Variants in PARP11 observed in about 807,000 individuals in gnomAD.
PARP11 encodes the protein poly(ADP-ribose) polymerase family member 11, also known as protein mono-ADP-ribosyltransferase PARP11.
Under a neutral mutation model 42.9 loss-of-function variants are expected in PARP11, and 31 were observed. The ratio of observed to expected loss-of-function variants is 0.72; its 90% confidence interval spans 0.54 to 0.98. The LOEUF (loss-of-function observed/expected upper bound fraction) is 0.98. Among genes scored for constraint, PARP11 ranks in the 50% least tolerant of loss-of-function variants. PARP11 has a pLI of 0.00. For synonymous variants in PARP11, 137 were observed against 127.3 expected (o/e 1.08, Z -0.51); for missense variants, 365 against 413.1 (o/e 0.88, Z 1.01).
chr12:3,832,164 C>A (rs1947655601), intron 1 of PARP11: 1 of 968,620 alleles, frequency 1.0e-6, no homozygotes, highest in Non-Finnish European at 1.2e-6. Flanking sequence ...TCAGCAACAT[C>A]CTTTCAGAGC....
chr12:3,842,631 C>T, intron 1 of PARP11: 1 of 712,292 alleles, frequency 1.4e-6, no homozygotes, highest in Admixed American at 2.4e-5. Flanking sequence ...TCTCCCCAGC[C>T]TCCTTACCTT....
At chr12:3,855,558 C>G (rs1235088063) in intron 1 of PARP11, among the ~76,000 whole-genome samples, 1 of 152,126 alleles carries the variant, frequency 6.6e-6, no homozygotes, top group Non-Finnish European at 1.5e-5. Flanking sequence ...CCTAGGAATC[C>G]AACTTACAAG....
At chr12:3,868,597 G>C (rs372247839) in intron 1 of PARP11, among the ~76,000 whole-genome samples, 7 of 152,170 alleles carry the variant, frequency 4.6e-5, no homozygotes, top group African/African-American at 1.7e-4. Context: ...CCAAACTCCT[G>C]TTATCTTCCA....
Position 3,831,103 on chromosome 12 carries a change from TA to T in PARP11, c.19-1086del, listed in dbSNP as rs565345984. 1.6e-3 allele frequency among the ~76,000 whole-genome samples: 248 copies of T among 152,268 alleles called. 1 individual carries two copies. Among genetic ancestry groups the T allele is most frequent in the African/African-American group, 5.6e-3 (233 of 41,562 alleles). On this transcript the variant is annotated intron_variant, in intron 1 of 7. Transcript: ENST00000228820. ...TTATTAAGTTTATACAACTACTACA[TA>T]AAAAATATTCTTCTTGCAAAAAATC...
intron 1 of PARP11, among the ~76,000 whole-genome samples, chr12:3,843,859 G>A (rs1012281294): frequency 6.6e-6 from 1 of 152,186 alleles, no homozygotes; most frequent in African/African-American, 2.4e-5. Flanking sequence ...ATTATCTTCT[G>A]ATCAGGAAGT....
chr12:3,839,013 C>T (rs1947826764), intron 1 of PARP11, among the ~76,000 whole-genome samples: 1 of 152,154 alleles, frequency 6.6e-6, no homozygotes, highest in African/African-American at 2.4e-5. Flanking sequence ...AGTGACTACT[C>T]ACTCTCGGGG....
intron 6 of PARP11, among the ~76,000 whole-genome samples, chr12:3,819,458 C>T (rs1947351981): frequency 6.6e-6 from 1 of 152,078 alleles, no homozygotes; most frequent in Non-Finnish European, 1.5e-5. Flanking sequence ...AGCATCCTGG[C>T]TTCTATCCAG....
intron 6 of PARP11, among the ~76,000 whole-genome samples, chr12:3,816,966 C>T (rs1467777474): frequency 2.6e-5 from 4 of 152,036 alleles, no homozygotes; most frequent in African/African-American, 4.8e-5. Context: ...CTGAGGTGGG[C>T]GGATCACGAG....
At chr12:3,820,784 T>G (rs750940110) in intron 6 of PARP11, among the ~76,000 whole-genome samples, 1 of 152,192 alleles carries the variant, frequency 6.6e-6, no homozygotes, top group Non-Finnish European at 1.5e-5. Flanking sequence ...TAAACTCAGT[T>G]AAACTCAGTT....
intron 1 of PARP11, among the ~76,000 whole-genome samples, chr12:3,845,855 TAGAAG>T (rs1565544663): frequency 6.6e-6 from 1 of 152,224 alleles, no homozygotes; most frequent in Non-Finnish European, 1.5e-5. Flanking sequence ...TAGAAAATCT[TAGAAG>T]AGGAGTGGGT....
intron 4 of PARP11, 132 bp downstream of exon 4, chr12:3,826,026 G>C (rs571752058): frequency 8.1e-5 from 46 of 571,340 alleles, no homozygotes; most frequent in Admixed American, 7.9e-4. Context: ...ACTGCGCCTG[G>C]CCCAAGATTT....
At chr12:3,856,238 C>T (rs1012574429) in intron 1 of PARP11, among the ~76,000 whole-genome samples, 4 of 152,202 alleles carry the variant, frequency 2.6e-5, no homozygotes, top group African/African-American at 9.6e-5. Flanking sequence ...ACTAAAACAC[C>T]AAAAGCAGTG....
chr12:3,864,580 T>C (rs1948356611), intron 1 of PARP11, among the ~76,000 whole-genome samples: 1 of 152,248 alleles, frequency 6.6e-6, no homozygotes, highest in Non-Finnish European at 1.5e-5. Flanking sequence ...CAAATTCAAA[T>C]TATTTAACAG....
chr12:3,869,589 T>TCC (rs1247783339), intron 1 of PARP11, among the ~76,000 whole-genome samples: 1 of 152,180 alleles, frequency 6.6e-6, no homozygotes, highest in African/African-American at 2.4e-5. Context: ...TGAACAGCTC[T>TCC]CCCCACCTTC....
At chr12:3,843,991 AT>A (rs1361566019) in intron 1 of PARP11, among the ~76,000 whole-genome samples, 3 of 152,212 alleles carry the variant, frequency 2.0e-5, no homozygotes, top group Non-Finnish European at 4.4e-5. Context: ...AGAAAATACA[AT>A]TCACTTGAAT....
intron 6 of PARP11, among the ~76,000 whole-genome samples, chr12:3,819,050 T>TCCTG (rs1333384251): frequency 6.6e-6 from 1 of 152,188 alleles, no homozygotes; most frequent in Non-Finnish European, 1.5e-5. Flanking sequence ...TCTTCTCAAC[T>TCCTG]CCTGACCCAT....
Position 3,810,665 on chromosome 12 carries a change from AGG to A in PARP11, c.*1456_*1457del, listed in dbSNP as rs1947152882. ...AGGGAAAGAAGGAAGGAAGGAAGGA[AGG>A]AAGGAAGGAAGGAAGGAAAGAAAGA... On this transcript the variant is annotated 3_prime_UTR_variant, in exon 8 of 8. Coordinates refer to ENST00000228820, the MANE Select transcript of PARP11 (RefSeq NM_020367.6). 6.8e-6 allele frequency: 1 copy of A among 147,714 alleles called. No individual in the cohort carries two copies. The highest frequency in any genetic ancestry group is 2.5e-5 in the African/African-American group (1 of 39,220). The allele number at this position is 147,714 out of a possible 1,614,324, so 9.2% of individuals were successfully genotyped here. A position where few individuals can be genotyped will look rare whatever the true frequency, so the allele number is the denominator to read the frequency against.
At chr12:3,866,173 T>C (rs113541971) in intron 1 of PARP11, among the ~76,000 whole-genome samples, 1 of 152,122 alleles carries the variant, frequency 6.6e-6, no homozygotes, top group Non-Finnish European at 1.5e-5. Context: ...CTAAATCCTA[T>C]GCTCTTTTCA....
At chr12:3,812,472 T>G (rs747349892) in intron 7 of PARP11, 33 bp from the exon 8 acceptor site, 1 of 1,500,132 alleles carries the variant, frequency 6.7e-7, no homozygotes, top group South Asian at 1.2e-5. Context: ...AAGCCAAGAT[T>G]ACTCCGAAGA....
Sources: allele counts gnomAD v4.1 joint callset (sites outside exome capture counted in the v4.1 genomes callset), GRCh38; gene constraint gnomAD v4.1.1; transcripts MANE v1.5; gene names NCBI Gene and HGNC (gene_info 2026-07-23, HGNC 2026-07-21).